ZBED6: variants seen among roughly 807,000 people sequenced by gnomAD.
ZBED6 encodes the protein zinc finger BED domain-containing protein 6.
Under a neutral mutation model 58.4 loss-of-function variants are expected in ZBED6, and 40 were observed. The ratio of observed to expected loss-of-function variants is 0.68; its 90% CI spans 0.53 to 0.89. The LOEUF is 0.89. Ranked by LOEUF, ZBED6 falls within the 40% of genes least tolerant of loss-of-function variation. The pLI, the probability that ZBED6 is intolerant of heterozygous loss-of-function variation, is 0.00. For synonymous variants in ZBED6, 439 were observed against 350.6 expected, an observed-to-expected ratio of 1.25 and a Z score of -2.82; for missense variants, 1,057 against 1,003.9, an observed-to-expected ratio of 1.05 and a Z score of -0.71.
At chr1:203,837,309 T>A (rs952263044) in intron 9 of ZBED6, among the ~76,000 whole-genome samples, 3 of 150,270 alleles carry the variant, frequency 2.0e-5, no homozygotes, top group Non-Finnish European at 4.5e-5. Context: ...AAAAAAGGGT[T>A]CTTTTGTACA....
At chr1:203,817,747 A>AT (rs575928957) in intron 2 of ZBED6, among the ~76,000 whole-genome samples, 11 of 149,606 alleles carry the variant, frequency 7.4e-5, no homozygotes, top group South Asian at 6.4e-4. Context: ...AGTCATCTTG[A>AT]TTTTTTTTTT....
At chr1:203,816,165 G>T (rs1434991391) in intron 1 of ZBED6, among the ~76,000 whole-genome samples, 1 of 152,012 alleles carries the variant, frequency 6.6e-6, no homozygotes, top group African/African-American at 2.4e-5. Context: ...GAAAATATTT[G>T]AAGTTTTTCA....
intron 1 of ZBED6, among the ~76,000 whole-genome samples, chr1:203,812,451 G>A (rs1224318594): frequency 1.3e-5 from 2 of 151,962 alleles, no homozygotes; most frequent in African/African-American, 2.4e-5. Context: ...CAAAGGACAT[G>A]ATTTTGTTCC....
At chr1:203,815,789 G>A (rs976856950) in intron 1 of ZBED6, among the ~76,000 whole-genome samples, 8 of 152,126 alleles carry the variant, frequency 5.3e-5, no homozygotes, top group African/African-American at 1.7e-4. Flanking sequence ...ATTTCAAGTT[G>A]TAGATCACTA....
chr1:203,831,536 T>C, intron 7 of ZBED6, 125 bp from the exon 8 acceptor site: 2 of 718,260 alleles, frequency 2.8e-6, no homozygotes, highest in Non-Finnish European at 4.7e-6. Context: ...ACAGAAAGGC[T>C]GATTGGCTTA....
rs754781556 is a variant in ZBED6 at position 203,828,279 on chromosome 1, T to G, written c.*2874-20T>G. ...GTATCACTGTTTTATTTGAAAGCAA[T>G]GTGTTTTTCCCTCTTACAGAAAAAA... On this transcript the variant is annotated intron_variant, in intron 3 of 16. Transcript: ENST00000550078. 3 of 1,613,762 alleles carry G rather than the reference T, an allele frequency of 1.9e-6. No individual in the cohort carries two copies. In the African/African-American group the frequency reaches 4.0e-5, roughly 22 times the overall value.
intron 10 of ZBED6, among the ~76,000 whole-genome samples, chr1:203,839,047 A>G (rs1685264234): frequency 1.3e-5 from 2 of 152,286 alleles, no homozygotes; most frequent in Admixed American, 1.3e-4. Context: ...CTTGCCTGCA[A>G]TATGGAGACA....
chr1:203,823,729 A>C (rs1679545223), intron 3 of ZBED6, among the ~76,000 whole-genome samples: 1 of 152,194 alleles, frequency 6.6e-6, no homozygotes, highest in African/African-American at 2.4e-5. Context: ...TACTTTTTAC[A>C]CATAGGTATT....
At chr1:203,807,986 C>G (rs1446358877) in intron 1 of ZBED6, among the ~76,000 whole-genome samples, 1 of 152,130 alleles carries the variant, frequency 6.6e-6, no homozygotes, top group Non-Finnish European at 1.5e-5. Flanking sequence ...AAGCAGTCCT[C>G]CTGTCTCGGC....
intron 1 of ZBED6, among the ~76,000 whole-genome samples, chr1:203,812,833 C>T (rs568825341): frequency 2.0e-5 from 3 of 152,202 alleles, no homozygotes; most frequent in East Asian, 1.9e-4. Flanking sequence ...CCACCTGCCT[C>T]GGCCTCCCAA....
Position 203,852,199 on chromosome 1 carries a change from C to A in ZBED6, c.*4932C>A, listed in dbSNP as rs371361520. 1.1e-5 allele frequency: 17 copies of A among 1,613,420 alleles called. No homozygotes were observed. In the African/African-American group the frequency reaches 2.1e-4, roughly 20 times the overall value. On this transcript the variant is annotated 3_prime_UTR_variant, in exon 17 of 17. Coordinates refer to ENST00000550078, the Ensembl canonical transcript of ZBED6. ...TTCCTCACCCCCGGAGGTGTCTGGCCCTTCCTCATCCCAAATGAGCATGAA... is the reference window on the plus strand; with the variant it reads ...TTCCTCACCCCCGGAGGTGTCTGGCACTTCCTCATCCCAAATGAGCATGAA...
intron 1 of ZBED6, among the ~76,000 whole-genome samples, chr1:203,807,532 T>C (rs1028882598): frequency 1.3e-4 from 19 of 151,812 alleles, no homozygotes; most frequent in Admixed American, 4.6e-4. Flanking sequence ...GTTTTTTTTT[T>C]GTTGGTTTTT....
chr1:203,821,947 T>C lies in ZBED6; in HGVS notation c.*2873+3258T>C, dbSNP rs143874429. ...TAATTTTTTGTACTTTTAGTAGAGATGGGGTTTCACCGTGTTAGCCAGGAT... is the reference window on the plus strand; with the variant it reads ...TAATTTTTTGTACTTTTAGTAGAGACGGGGTTTCACCGTGTTAGCCAGGAT... On this transcript the variant is annotated intron_variant, in intron 3 of 16. Coordinates refer to ENST00000550078, the Ensembl canonical transcript of ZBED6. Among the ~76,000 whole-genome samples, 570 of 152,136 alleles carry C rather than the reference T, an allele frequency of 3.7e-3. 7 individuals carry two copies. The highest frequency in any genetic ancestry group is 0.017 in the East Asian group (87 of 5,150).
chr1:203,799,419 C>A, exon 1 of ZBED6: 1 of 703,042 alleles, frequency 1.4e-6, no homozygotes, highest in East Asian at 2.7e-5. Flanking sequence ...CCAAAATGAT[C>A]ACCAACTTCC....
exon 1 of ZBED6, chr1:203,802,403 A>G (rs1670794792): frequency 6.6e-6 from 1 of 152,490 alleles, no homozygotes. Flanking sequence ...ACTTATCCAA[A>G]TGTTATATTT....
intron 9 of ZBED6, among the ~76,000 whole-genome samples, chr1:203,836,102 G>T (rs1684240149): frequency 6.6e-6 from 1 of 152,170 alleles, no homozygotes; most frequent in Non-Finnish European, 1.5e-5. Context: ...ATAATACTAA[G>T]CCAGGTATGG....
chr1:203,847,404 G>A, exon 12 of ZBED6: 1 of 1,613,918 alleles, frequency 6.2e-7, no homozygotes, highest in Non-Finnish European at 8.5e-7. Flanking sequence ...AGGAAGCAGA[G>A]AGACAAAAAA....
intron 1 of ZBED6, among the ~76,000 whole-genome samples, chr1:203,810,084 T>C (rs1673845090): frequency 8.2e-6 from 1 of 122,324 alleles, no homozygotes; most frequent in African/African-American, 2.7e-5. Context: ...GGGATAGTAT[T>C]GATTATAAAG....
At chr1:203,814,670 C>T (rs182730466) in intron 1 of ZBED6, among the ~76,000 whole-genome samples, 14 of 152,244 alleles carry the variant, frequency 9.2e-5, no homozygotes, top group African/African-American at 3.4e-4. Flanking sequence ...TATCAAGTAC[C>T]TCAAAAGTCT....
Sources: gnomAD v4.1 joint callset for allele counts (sites outside exome capture counted in the v4.1 genomes callset) on GRCh38, gnomAD v4.1.1 for gene constraint, MANE v1.5 for transcripts, NCBI Gene and HGNC (gene_info 2026-07-23, HGNC 2026-07-21) for gene names.